The following OR3A2 variants were observed in gnomAD, a reference collection of about 807,000 sequenced individuals.
The protein encoded by OR3A2 is olfactory receptor 3A2.
For synonymous variants in OR3A2, 126 were observed against 159.3 expected, an observed-to-expected ratio of 0.79 and a Z score of 1.57; for missense variants, 318 against 392.8, an observed-to-expected ratio of 0.81 and a Z score of 1.61.
chr17:3,293,967 C>T (rs1441618033), intron 3 of OR3A2, among the ~76,000 whole-genome samples: 4 of 152,068 alleles, frequency 2.6e-5, no homozygotes, highest in Non-Finnish European at 5.9e-5. Flanking sequence ...GGGAGGGTGG[C>T]CAGGGCGAGA....
At chr17:3,340,684 C>A (rs952237254) in intron 2 of OR3A2, among the ~76,000 whole-genome samples, 3 of 152,118 alleles carry the variant, frequency 2.0e-5, no homozygotes, top group African/African-American at 7.2e-5. Flanking sequence ...TTACTTCCAA[C>A]TATGTGGTCA....
intron 3 of OR3A2, among the ~76,000 whole-genome samples, chr17:3,319,092 TAAG>T (rs2049099089): frequency 6.6e-6 from 1 of 152,222 alleles, no homozygotes; most frequent in South Asian, 2.1e-4. Context: ...GAATAAATGA[TAAG>T]TAGTCCATAG....
chr17:3,367,386 C>G (rs566447569), intron 2 of OR3A2, among the ~76,000 whole-genome samples: 1 of 151,844 alleles, frequency 6.6e-6, no homozygotes, highest in Admixed American at 6.6e-5. Context: ...TCCCAAGTCC[C>G]CAGAGTTCAT....
intron 3 of OR3A2, among the ~76,000 whole-genome samples, chr17:3,323,254 G>A (rs915993089): frequency 1.3e-5 from 2 of 152,078 alleles, no homozygotes; most frequent in African/African-American, 4.8e-5. Flanking sequence ...TTGAGCTTAT[G>A]TGTGTCTCTG....
At chr17:3,288,971 G>T (rs991822072), upstream of OR3A2, among the ~76,000 whole-genome samples, 4 of 152,126 alleles carry the variant, frequency 2.6e-5, no homozygotes, top group Admixed American at 6.5e-5. Context: ...TTACATAAAT[G>T]GAATATTATG....
chr17:3,363,482 G>A (rs1407172318), intron 2 of OR3A2, among the ~76,000 whole-genome samples: 1 of 151,638 alleles, frequency 6.6e-6, no homozygotes, highest in Non-Finnish European at 1.5e-5. Flanking sequence ...CCTCAGCCTG[G>A]ACTTCACTGT....
At chr17:3,292,164 C>T in intron 3 of OR3A2, 1 of 1,614,172 alleles carries the variant, frequency 6.2e-7, no homozygotes. Flanking sequence ...GACTGTCTGA[C>T]TCATGCGGGT....
chr17:3,379,649 G>C (rs1223871904), intron 2 of OR3A2, among the ~76,000 whole-genome samples: 1 of 152,168 alleles, frequency 6.6e-6, no homozygotes, highest in Non-Finnish European at 1.5e-5. Context: ...AGTGGAATTA[G>C]GAGGAAGAGC....
At chr17:3,291,786 C>T in intron 3 of OR3A2, 1 of 1,613,714 alleles carries the variant, frequency 6.2e-7, no homozygotes, top group Middle Eastern at 1.7e-4. Flanking sequence ...CTTGGTTGAA[C>T]CCAGTCGCAT....
chr17:3,303,161 T>C (rs2048977760), intron 3 of OR3A2, among the ~76,000 whole-genome samples: 1 of 152,158 alleles, frequency 6.6e-6, no homozygotes, highest in Non-Finnish European at 1.5e-5. Context: ...TCTCACGCCA[T>C]GCATAAAGGT....
At chr17:3,376,041 A>G (rs2049680497) in intron 2 of OR3A2, among the ~76,000 whole-genome samples, 1 of 152,140 alleles carries the variant, frequency 6.6e-6, no homozygotes, top group Non-Finnish European at 1.5e-5. Flanking sequence ...GCTTGGTTGT[A>G]GTTTGGTTTA....
rs201559764 is a variant in OR3A2 at position 3,292,079 on chromosome 17, C to T, written c.-84-12926G>A. 2.5e-5 allele frequency: 40 copies of T among 1,614,160 alleles called. No homozygotes were observed. The African/African-American group carries it at 3.9e-4, about 16-fold the overall frequency. On this transcript the variant is annotated intron_variant, in intron 3 of 4. Coordinates refer to the OR3A2 transcript ENST00000573491. ...TCACATTGGGGCCACAGAAGTTGAG[C>T]GTGGACATGGCCACAGTGTGGGTCA...
At chr17:3,361,441 C>G (rs1353843105) in intron 2 of OR3A2, among the ~76,000 whole-genome samples, 1 of 151,630 alleles carries the variant, frequency 6.6e-6, no homozygotes, top group Non-Finnish European at 1.5e-5. Flanking sequence ...GCCAGAACTT[C>G]CAACACTATG....
chr17:3,292,662 C>T, intron 3 of OR3A2: 1 of 1,283,930 alleles, frequency 7.8e-7, no homozygotes, highest in South Asian at 1.5e-5. Context: ...AAGAAACAGA[C>T]CCCCTTCTAC....
chr17:3,307,051 T>G (rs1411736858), intron 3 of OR3A2, among the ~76,000 whole-genome samples: 1 of 152,218 alleles, frequency 6.6e-6, no homozygotes, highest in Non-Finnish European at 1.5e-5. Context: ...GGTAGAAATA[T>G]CCAACACACA....
intron 3 of OR3A2, among the ~76,000 whole-genome samples, chr17:3,313,242 C>T (rs1271737923): frequency 2.0e-5 from 3 of 152,212 alleles, no homozygotes; most frequent in Non-Finnish European, 2.9e-5. Context: ...CCTTGTCCGA[C>T]ATGCTTATTA....
At chr17:3,345,066 CA>C (rs1438578915) in intron 2 of OR3A2, among the ~76,000 whole-genome samples, 1 of 152,026 alleles carries the variant, frequency 6.6e-6, no homozygotes, top group African/African-American at 2.4e-5. Context: ...AAAAGGCAAG[CA>C]GGGGAAGATA....
chr17:3,331,258 G>A (rs1204996562), intron 3 of OR3A2, among the ~76,000 whole-genome samples: 1 of 151,760 alleles, frequency 6.6e-6, no homozygotes, highest in African/African-American at 2.4e-5. Flanking sequence ...CTGAACGTTG[G>A]CCTGCCTTGC....
chr17:3,379,753 G>A (rs1270906885), intron 2 of OR3A2, among the ~76,000 whole-genome samples: 2 of 152,080 alleles, frequency 1.3e-5, no homozygotes, highest in South Asian at 2.1e-4. Flanking sequence ...AAGAGGCCAG[G>A]GTCACTAACA....
Sources: allele counts gnomAD v4.1 joint callset (sites outside exome capture counted in the v4.1 genomes callset), GRCh38; gene constraint gnomAD v4.1.1; transcripts MANE v1.5; gene names NCBI Gene and HGNC (gene_info 2026-07-23, HGNC 2026-07-21).